MAP3K19: variants seen among roughly 807,000 people sequenced by gnomAD.
MAP3K19 encodes the protein SPS1/STE20-related protein kinase YSK4.
MAP3K19 carries 91 observed loss-of-function variants against 114.4 expected under a neutral mutation model. That is an observed-to-expected ratio of 0.80 (90% CI 0.67 to 0.95). The LOEUF is 0.95. Among genes scored for constraint, MAP3K19 ranks in the 40% least tolerant of loss-of-function variants. The probability of loss-of-function intolerance (pLI) is 0.00; values close to 1 mark genes in which losing one functional copy is unlikely to be tolerated. For synonymous variants in MAP3K19, 518 were observed against 530.5 expected, an observed-to-expected ratio of 0.98 and a Z score of 0.32; for missense variants, 1,471 against 1,573.2, an observed-to-expected ratio of 0.94 and a Z score of 1.10.
In MAP3K19 at chr2:134,987,385, T is replaced by C. The variant is rs748632959; in HGVS notation, c.1487A>G (p.Lys496Arg). 1.9e-6 allele frequency: 3 copies of C among 1,614,216 alleles called. No individual in the cohort carries two copies. The highest frequency in any genetic ancestry group is 1.7e-5 in the Admixed American group (1 of 60,026). Residue 496 changes from lysine (K) to arginine (R), a missense_variant, in exon 10 of 13, where the codon AAG (lysine) becomes AGG (arginine). By Grantham distance (26) the Lys-to-Arg change is conservative. Coordinates refer to ENST00000392915, the MANE Select transcript of MAP3K19 (RefSeq NM_025052.5). ...GCTTGGTTTGGCTATCACTGGTTCC[T>C]TGGGGCTTCCATCCACAGGGAAGGT... The part of the protein sequence containing the change: ...HITFPVDGSP[K>R]EPVIAKPSLQ...
chr2:134,997,365 G>T (rs6718228), intron 8 of MAP3K19, among the ~76,000 whole-genome samples: 43,289 of 152,036 alleles, frequency 0.28, 6,844 homozygotes, highest in Middle Eastern at 0.62. Flanking sequence ...TATTGTTTAA[G>T]GGGCACAGAG....
chr2:135,004,467 A>G (rs549701544), intron 6 of MAP3K19, among the ~76,000 whole-genome samples: 163 of 152,286 alleles, frequency 1.1e-3, no homozygotes, highest in African/African-American at 3.7e-3. Context: ...AGGAGACGCT[A>G]CTCGGGAGAG....
intron 5 of MAP3K19, among the ~76,000 whole-genome samples, chr2:135,013,043 G>A (rs1687344212): frequency 6.6e-6 from 1 of 152,118 alleles, no homozygotes; most frequent in South Asian, 2.1e-4. Flanking sequence ...GTATAGGCCG[G>A]GCACAGTGGC....
intron 1 of MAP3K19, among the ~76,000 whole-genome samples, chr2:135,041,488 G>A (rs935048214): frequency 1.3e-5 from 2 of 151,880 alleles, no homozygotes; most frequent in Non-Finnish European, 2.9e-5. Context: ...CTACTGGTGC[G>A]CCACCATGCC....
intron 6 of MAP3K19, among the ~76,000 whole-genome samples, chr2:135,000,848 A>G (rs1343402494): frequency 6.6e-6 from 1 of 152,130 alleles, no homozygotes; most frequent in East Asian, 1.9e-4. Context: ...TTGTGCCTGG[A>G]GGAGCAATGG....
rs141740130 is a variant in MAP3K19, at chr2:135,029,772, T to C, written c.-95+540A>G. Among the ~76,000 whole-genome samples, 42 of 152,350 alleles carry C rather than the reference T, an allele frequency of 2.8e-4. No homozygotes were observed. In the East Asian group the frequency reaches 7.9e-3, roughly 29 times the overall value. On this transcript the variant is annotated intron_variant, in intron 3 of 12. Transcript: ENST00000392915. ...TAATGTCCTTGGTTATGCATATGAT[T>C]TTGCAAGTTGCTTTGGGAAAAAGTA...
At position 134,986,451 on chromosome 2, in the gene MAP3K19, T is replaced by A. The variant is rs757903313; in HGVS notation, c.2421A>T (p.Leu807Phe). The A allele has an allele frequency of 1.9e-6, 3 of 1,614,130 alleles. No homozygotes were observed. The East Asian group carries it at 6.7e-5, about 36-fold the overall frequency. The change falls in exon 10 of 13, where the codon TTA becomes TTT. Residue 807 changes from leucine (L) to phenylalanine (F), a missense_variant. By Grantham distance (22) the Leu-to-Phe change is conservative. Coordinates refer to ENST00000392915, the MANE Select transcript of MAP3K19 (RefSeq NM_025052.5). ...CCATAGAAACTTCTTCAACAATGGATAAATCTGAGACAGGAGGGAATTCAT... is the reference window on the plus strand; with the variant it reads ...CCATAGAAACTTCTTCAACAATGGAAAAATCTGAGACAGGAGGGAATTCAT... ...KQNEFPPVSD[L>F]SIVEEVSMEE... is the part of the protein sequence containing the mutation.
At chr2:134,979,443 C>CGTGTGTGTGTGT (rs59337402) in intron 12 of MAP3K19, among the ~76,000 whole-genome samples, 8 of 146,770 alleles carry the variant, frequency 5.5e-5, no homozygotes, top group African/African-American at 2.0e-4. Context: ...TAAAGTGCTT[C>CGTGTGTGTGTGT]GTGTGTGTGT....
intron 3 of MAP3K19, among the ~76,000 whole-genome samples, chr2:135,029,938 A>C (rs1406700103): frequency 2.6e-5 from 4 of 152,228 alleles, no homozygotes; most frequent in Non-Finnish European, 5.9e-5. Context: ...GATAAAGATA[A>C]TAACAGCAAC....
chr2:135,034,815 G>A (rs1180146391), intron 2 of MAP3K19, among the ~76,000 whole-genome samples: 1 of 125,278 alleles, frequency 8.0e-6, no homozygotes, highest in East Asian at 2.7e-4. Flanking sequence ...GAGACCGTGG[G>A]CTGTGGGGAG....
intron 6 of MAP3K19, among the ~76,000 whole-genome samples, chr2:135,002,117 A>G (rs1313333646): frequency 6.6e-6 from 1 of 152,216 alleles, no homozygotes; most frequent in Non-Finnish European, 1.5e-5. Flanking sequence ...AGGTAAAGAC[A>G]AAACACTTGC....
chr2:135,026,808 G>T (rs1051055383), intron 3 of MAP3K19, among the ~76,000 whole-genome samples: 4 of 152,112 alleles, frequency 2.6e-5, no homozygotes, highest in African/African-American at 9.7e-5. Context: ...GGATACTCAA[G>T]AATTATTTGA....
At chr2:135,026,098 A>G (rs1688248822) in intron 3 of MAP3K19, among the ~76,000 whole-genome samples, 1 of 152,228 alleles carries the variant, frequency 6.6e-6, no homozygotes. Context: ...AAGAAATAGC[A>G]TAGGACTGAG....
chr2:134,969,769 A>C, intron 12 of MAP3K19, among the ~76,000 whole-genome samples: 1 of 152,184 alleles, frequency 6.6e-6, no homozygotes, highest in Non-Finnish European at 1.5e-5. Context: ...TCTTATGTTT[A>C]GGTATTTAAT....
chr2:135,035,067 C>A (rs1424822405), intron 2 of MAP3K19, among the ~76,000 whole-genome samples: 2 of 152,120 alleles, frequency 1.3e-5, no homozygotes, highest in African/African-American at 4.8e-5. Flanking sequence ...AGACCACATA[C>A]TATATGATTC....
In MAP3K19 at chr2:135,033,412, G is replaced by A. The variant is rs972910932; in HGVS notation, c.-283-2912C>T. Among the ~76,000 whole-genome samples the A allele has an allele frequency of 9.4e-5, 11 of 116,560 alleles. 1 individual carries two copies. The highest frequency in any genetic ancestry group is 4.0e-4 in the African/African-American group (9 of 22,712). The allele number at this position is 116,560 out of a possible 152,430, so 76.5% of individuals were successfully genotyped here. On this transcript the variant is annotated intron_variant, in intron 2 of 12. Coordinates refer to ENST00000392915, the MANE Select transcript of MAP3K19 (RefSeq NM_025052.5). ...CCTCCCGGACGGGGCGGCTGGCCGG[G>A]CAGAGGGGATCCTCACTTCCCAGTA...
intron 2 of MAP3K19, among the ~76,000 whole-genome samples, chr2:135,038,806 C>T (rs575862201): frequency 5.3e-5 from 8 of 151,512 alleles, no homozygotes; most frequent in East Asian, 1.9e-4. Context: ...TGCTGTGAGC[C>T]GAGATCATGC....
intron 8 of MAP3K19, among the ~76,000 whole-genome samples, chr2:134,997,013 C>T (rs887295332): frequency 2.0e-5 from 3 of 152,070 alleles, no homozygotes; most frequent in African/African-American, 4.8e-5. Flanking sequence ...CACGCCACTG[C>T]ACTCCAGCCT....
chr2:134,985,872 T>C lies in MAP3K19; in HGVS notation c.3000A>G (p.Leu1000=), dbSNP rs1685056003. Reference sequence around the variant, plus strand: ...TTCCTCTCCATCTGAGGACAAGATTTAGGTTTTCAGGATCTGTTTCATTTG... The same window carrying C: ...TTCCTCTCCATCTGAGGACAAGATTCAGGTTTTCAGGATCTGTTTCATTTG... ...KMANETDPEN[L]NLVLRWRGST... Residue 1000 remains leucine (L), a synonymous_variant, in exon 10 of 13, where the codon CTA becomes CTG. Transcript: ENST00000392915. The C allele has an allele frequency of 6.2e-7, 1 of 1,613,922 alleles. No homozygotes were observed. Among genetic ancestry groups the C allele is most frequent in the Admixed American group, 1.7e-5 (1 of 59,998 alleles).
Sources: gnomAD v4.1 joint callset for allele counts (sites outside exome capture counted in the v4.1 genomes callset) on GRCh38, gnomAD v4.1.1 for gene constraint, MANE v1.5 for transcripts, NCBI Gene and HGNC (gene_info 2026-07-23, HGNC 2026-07-21) for gene names.